Variants in CDH4 observed in about 807,000 individuals in gnomAD.
CDH4 encodes cadherin 4, also known as cadherin-4.
Under a neutral mutation model 86.0 loss-of-function variants are expected in CDH4, and 33 were observed. The ratio of observed to expected loss-of-function variants is 0.38; its 90% CI spans 0.29 to 0.51. CDH4 has a LOEUF of 0.51. Among genes scored for constraint, CDH4 ranks in the 20% least tolerant of loss-of-function variants. The pLI is 0.86. For missense variants in CDH4, 1,114 were observed against 1,307.4 expected (o/e 0.85, Z 2.28); for synonymous variants, 555 against 549.4 (o/e 1.01, Z -0.14).
chr20:61,387,232 A>T (rs1240216247), intron 2 of CDH4, among the ~76,000 whole-genome samples: 1 of 151,948 alleles, frequency 6.6e-6, no homozygotes, highest in Admixed American at 6.6e-5. Flanking sequence ...ATACATGCAG[A>T]CAGCCACACA....
chr20:61,881,356 T>C (rs779849838), intron 7 of CDH4, among the ~76,000 whole-genome samples: 37 of 152,242 alleles, frequency 2.4e-4, no homozygotes, highest in South Asian at 8.3e-4. Flanking sequence ...GTAACCAAAG[T>C]GCCAAGTGTG....
At chr20:61,692,253 GTGTGTGTCTGTATGTGTGTCTT>G (rs1361673619) in intron 2 of CDH4, among the ~76,000 whole-genome samples, 2 of 151,156 alleles carry the variant, frequency 1.3e-5, no homozygotes, top group African/African-American at 4.9e-5. Context: ...GTGTGTGTAT[GTGTGTGTCTGTATGTGTGTCTT>G]TGTGTGTGTG....
chr20:61,527,008 C>A (rs1007815403), intron 2 of CDH4, among the ~76,000 whole-genome samples: 1 of 152,262 alleles, frequency 6.6e-6, no homozygotes, highest in South Asian at 2.1e-4. Flanking sequence ...GAGCCCCGCA[C>A]CGGGACCTTC....
At chr20:61,650,830 G>T (rs1001868255) in intron 2 of CDH4, among the ~76,000 whole-genome samples, 24 of 152,244 alleles carry the variant, frequency 1.6e-4, no homozygotes, top group African/African-American at 5.8e-4. Flanking sequence ...TCTCTTGCTG[G>T]TGTGAGATGT....
rs901257538 is a variant in CDH4 at position 61,651,872 on chromosome 20, G to C, written c.170-91691G>C. On this transcript the variant is annotated intron_variant, in intron 2 of 15. Transcript: ENST00000614565. ...TTGAGGCTGTGGGTGGGAAGCCATC[G>C]GGGCTGGGCGTGCCAGGCAGGGCCC... 5.3e-5 allele frequency among the ~76,000 whole-genome samples: 8 copies of C among 152,308 alleles called. No homozygotes were observed. In the East Asian group the frequency reaches 1.5e-3, roughly 29 times the overall value.
chr20:61,892,783 C>T (rs555611289), intron 7 of CDH4, among the ~76,000 whole-genome samples: 1 of 152,246 alleles, frequency 6.6e-6, no homozygotes, highest in East Asian at 1.9e-4. Context: ...AGCTGGAAAA[C>T]CCTTCCATCC....
chr20:61,634,746 C>T (rs2086929775), intron 2 of CDH4, among the ~76,000 whole-genome samples: 1 of 152,232 alleles, frequency 6.6e-6, no homozygotes, highest in Non-Finnish European at 1.5e-5. Context: ...GCTGTGCGGA[C>T]ATCACCTCCT....
At chr20:61,758,994 C>T (rs114226755) in intron 3 of CDH4, among the ~76,000 whole-genome samples, 5,499 of 152,238 alleles carry the variant, frequency 0.036, 337 homozygotes, top group African/African-American at 0.13. Context: ...TGGGTGTGCA[C>T]GTGTATGCCC....
intron 2 of CDH4, among the ~76,000 whole-genome samples, chr20:61,593,838 A>G (rs1286697761): frequency 1.3e-5 from 2 of 151,294 alleles, no homozygotes; most frequent in African/African-American, 4.9e-5. Context: ...CAGCTGTAAC[A>G]TTCGTTGAGG....
chr20:61,407,744 G>C (rs529267613), intron 2 of CDH4, among the ~76,000 whole-genome samples: 1 of 152,144 alleles, frequency 6.6e-6, no homozygotes, highest in African/African-American at 2.4e-5. Flanking sequence ...TGAGAGGACC[G>C]TGGTGCAGTC....
At chr20:61,650,269 C>T (rs543482373) in intron 2 of CDH4, among the ~76,000 whole-genome samples, 17 of 152,304 alleles carry the variant, frequency 1.1e-4, no homozygotes, top group Non-Finnish European at 1.9e-4. Context: ...CACCGCTGAC[C>T]TCGTTTACTG....
At chr20:61,482,635 G>A (rs867310403) in intron 2 of CDH4, among the ~76,000 whole-genome samples, 6 of 152,264 alleles carry the variant, frequency 3.9e-5, no homozygotes, top group Middle Eastern at 3.4e-3. Flanking sequence ...CTGCTGACAG[G>A]GCTGGGTTTT....
intron 4 of CDH4, among the ~76,000 whole-genome samples, chr20:61,823,945 T>TG (rs1480141164): frequency 5.3e-5 from 8 of 152,362 alleles, no homozygotes; most frequent in African/African-American, 1.7e-4. Flanking sequence ...TTATTGAGAT[T>TG]GAAGAGACAA....
chr20:61,921,243 T>C (rs934944207), intron 9 of CDH4, among the ~76,000 whole-genome samples: 4 of 142,458 alleles, frequency 2.8e-5, no homozygotes, highest in African/African-American at 1.1e-4. Context: ...CATGGAAGCA[T>C]GGTGTCACGG....
intron 2 of CDH4, among the ~76,000 whole-genome samples, chr20:61,677,682 C>T (rs560636288): frequency 1.1e-4 from 16 of 151,380 alleles, no homozygotes; most frequent in African/African-American, 3.4e-4. Flanking sequence ...GGTGGACAGA[C>T]GGACGGACGG....
intron 4 of CDH4, among the ~76,000 whole-genome samples, chr20:61,836,372 C>T (rs1465546074): frequency 6.6e-6 from 1 of 152,190 alleles, no homozygotes; most frequent in African/African-American, 2.4e-5. Context: ...TATTCCCCAC[C>T]GGGCAGATCT....
At chr20:61,325,616 A>G (rs777547434) in intron 2 of CDH4, among the ~76,000 whole-genome samples, 24 of 152,196 alleles carry the variant, frequency 1.6e-4, no homozygotes, top group Non-Finnish European at 3.1e-4. Flanking sequence ...TGGAGAGATT[A>G]TGAAGCCAGG....
chr20:61,624,397 G>C (rs376326104), intron 2 of CDH4, among the ~76,000 whole-genome samples: 1 of 152,238 alleles, frequency 6.6e-6, no homozygotes, highest in Non-Finnish European at 1.5e-5. Flanking sequence ...GTCAGGGCTT[G>C]TTGGTCACTG....
chr20:61,888,853 G>A (rs1050423722), intron 7 of CDH4, among the ~76,000 whole-genome samples: 3 of 151,792 alleles, frequency 2.0e-5, no homozygotes, highest in African/African-American at 7.3e-5. Flanking sequence ...TAGAACTGGG[G>A]AGGTCATGGG....
Sources: gnomAD v4.1 joint callset for allele counts (sites outside exome capture counted in the v4.1 genomes callset) on GRCh38, gnomAD v4.1.1 for gene constraint, MANE v1.5 for transcripts, NCBI Gene and HGNC (gene_info 2026-07-23, HGNC 2026-07-21) for gene names.